Variants in ZBTB24 observed in about 807,000 individuals in gnomAD.
The protein encoded by ZBTB24 is zinc finger and BTB domain containing 24, also known as zinc finger and BTB domain-containing protein 24.
In ZBTB24, 32 loss-of-function variants were observed where a neutral mutation model predicts 53.8. The observed-to-expected ratio is 0.60, with a 90% CI of 0.45 to 0.80. The LOEUF is 0.80. ZBTB24 is among the 30% of genes least tolerant of loss of function. The pLI is 0.00. For synonymous variants in ZBTB24, 297 were observed against 306.7 expected, an observed-to-expected ratio of 0.97 and a Z score of 0.33; for missense variants, 722 against 837.1, an observed-to-expected ratio of 0.86 and a Z score of 1.70.
At chr6:109,480,656 A>C (rs1776385071) in intron 2 of ZBTB24, among the ~76,000 whole-genome samples, 1 of 152,236 alleles carries the variant, frequency 6.6e-6, no homozygotes, top group Admixed American at 6.5e-5. Flanking sequence ...ATGTTCAAGA[A>C]TCAGAAAGCA....
At chr6:109,475,130 T>C (rs1776253297) in intron 5 of ZBTB24, among the ~76,000 whole-genome samples, 1 of 151,424 alleles carries the variant, frequency 6.6e-6, no homozygotes, top group African/African-American at 2.4e-5. Flanking sequence ...TCAGACTCAC[T>C]ATTCTGTGGT....
rs917790789 is a variant in ZBTB24, at chr6:109,483,101, G to C, written c.-32C>G. ...GTCCGGGTCGCTGCCAACTCACCCG[G>C]CGGCCTGGCGGGAGACCCACGCCGG... On this transcript the variant is annotated 5_prime_UTR_variant, in exon 1 of 7. Transcript: ENST00000230122. 1 of 152,210 alleles carries C rather than the reference G, an allele frequency of 6.6e-6. No homozygotes were observed. The highest frequency in any genetic ancestry group is 2.1e-4 in the South Asian group (1 of 4,834). The allele number at this position is 152,210 out of a possible 1,614,324, so 9.4% of individuals were successfully genotyped here. A position where few individuals can be genotyped will look rare whatever the true frequency, so the allele number is the denominator to read the frequency against.
intron 5 of ZBTB24, among the ~76,000 whole-genome samples, chr6:109,468,356 C>T (rs1411040031): frequency 6.6e-6 from 1 of 151,854 alleles, no homozygotes; most frequent in Non-Finnish European, 1.5e-5. Context: ...TGATGATTTC[C>T]CACCCCAGGA....
chr6:109,476,707 C>T (rs1242681811), intron 3 of ZBTB24, 56 bp downstream of exon 3: 1 of 1,589,902 alleles, frequency 6.3e-7, no homozygotes, highest in Non-Finnish European at 8.5e-7. Context: ...GTTGGTAATG[C>T]CCACCCTGGG....
intron 2 of ZBTB24, among the ~76,000 whole-genome samples, chr6:109,480,151 T>C (rs892208781): frequency 2.6e-5 from 4 of 152,058 alleles, no homozygotes; most frequent in African/African-American, 4.8e-5. Context: ...GATTCCAATT[T>C]GCAGGCTGAG....
chr6:109,467,852 G>C, intron 5 of ZBTB24, 118 bp from the exon 6 acceptor site: 2 of 1,152,342 alleles, frequency 1.7e-6, no homozygotes, highest in Non-Finnish European at 2.5e-6. Flanking sequence ...ACAGAACAAA[G>C]GCAATCCCCT....
In ZBTB24 at chr6:109,475,402, T is replaced by C. The variant is rs1337486490; in HGVS notation, c.1285A>G (p.Thr429Ala). 1.2e-6 allele frequency: 2 copies of C among 1,614,052 alleles called. No individual in the cohort carries two copies. Among genetic ancestry groups the C allele is most frequent in the South Asian group, 1.1e-5 (1 of 91,080 alleles). ...GACAGACGAGATGGAGTTTTACCTG[T>C]GTGTGTTCGCAGATGTTTCTTTAGC... ...SQLKKHLRTH[T>A]GEKPFTCEIC... The change falls in exon 5 of 7, where the codon ACA (threonine) becomes GCA (alanine). Residue 429 changes from threonine (T) to alanine (A), a missense_variant. Coordinates refer to ENST00000230122, the MANE Select transcript of ZBTB24 (RefSeq NM_014797.3).
intron 3 of ZBTB24, 37 bp downstream of exon 3, chr6:109,476,726 A>G (rs752830120): frequency 7.5e-6 from 12 of 1,605,770 alleles, no homozygotes; most frequent in Non-Finnish European, 1.0e-5. Context: ...GGGAATGGGA[A>G]TCTGGTGAAG....
intron 2 of ZBTB24, among the ~76,000 whole-genome samples, chr6:109,480,412 T>G (rs1776378228): frequency 6.6e-6 from 1 of 152,162 alleles, no homozygotes; most frequent in Non-Finnish European, 1.5e-5. Flanking sequence ...AATTTAAAAT[T>G]CAGTTTCTCA....
In ZBTB24 at chr6:109,468,043, T is replaced by C. The variant is rs528315970; in HGVS notation, c.1289-309A>G. On this transcript the variant is annotated intron_variant, in intron 5 of 6. Transcript: ENST00000230122. ...TACTCCTGTTTTCTCCCCTTAGATA[T>C]TACAGCACCTATGCTCTCCTGCCTT... 8.5e-5 allele frequency among the ~76,000 whole-genome samples: 13 copies of C among 152,206 alleles called. No homozygotes were observed. In the South Asian group the frequency reaches 2.5e-3, roughly 29 times the overall value.
At chr6:109,482,648 G>C (rs1411223208) in intron 1 of ZBTB24, among the ~76,000 whole-genome samples, 1 of 151,944 alleles carries the variant, frequency 6.6e-6, no homozygotes, top group African/African-American at 2.4e-5. Context: ...TGACTCTCCA[G>C]TATTCATGGA....
At chr6:109,477,342 G>T (rs573054760) in intron 2 of ZBTB24, among the ~76,000 whole-genome samples, 1 of 152,044 alleles carries the variant, frequency 6.6e-6, no homozygotes, top group Non-Finnish European at 1.5e-5. Flanking sequence ...TTAGAGATGG[G>T]ATCTCACTAT....
In ZBTB24 at chr6:109,481,331, T is replaced by G. The variant is rs772347248; in HGVS notation, c.696A>C (p.Pro232=). The change falls in exon 2 of 7, where the codon CCA becomes CCC. Residue 232 remains proline, a synonymous_variant. Transcript: ENST00000230122. ...TCEPSREEEM[P]VEKDENYDPK... ...GATCATAGTTCTCATCTTTTTCAAC[T>G]GGCATTTCCTCCTCTCTACTTGGCT... 2 of 1,614,110 alleles carry G rather than the reference T, an allele frequency of 1.2e-6. No individual in the cohort carries two copies. Among genetic ancestry groups the G allele is most frequent in the African/African-American group, 1.3e-5 (1 of 74,938 alleles).
In ZBTB24 at chr6:109,475,388, TG is replaced by T. The variant is rs1227172193; in HGVS notation, c.1288+10del. ...CCGTGTACTGGGGGGACAGACGAGA[TG>T]GAGTTTTACCTGTGTGTGTTCGCAG... is the stretch of plus-strand genomic sequence containing the variant. On this transcript the variant is annotated intron_variant, in intron 5 of 6. Coordinates refer to ENST00000230122, the MANE Select transcript of ZBTB24 (RefSeq NM_014797.3). 7 of 1,614,088 alleles carry T rather than the reference TG, an allele frequency of 4.3e-6. No homozygotes were observed.
chr6:109,481,673 G>C lies in ZBTB24; in HGVS notation c.354C>G (p.Val118=), dbSNP rs760564322. 2 of 1,614,112 alleles carry C rather than the reference G, an allele frequency of 1.2e-6. No individual in the cohort carries two copies. Among genetic ancestry groups the C allele is most frequent in the East Asian group, 4.5e-5 (2 of 44,904 alleles). Residue 118 remains valine (V), a synonymous_variant, in exon 2 of 7, where the codon GTC becomes GTG. Coordinates refer to ENST00000230122, the MANE Select transcript of ZBTB24 (RefSeq NM_014797.3). ...QILATAQFLK[V]YDLVKAYTDF... is the part of the protein sequence containing the mutation. Reference sequence around the variant, plus strand: ...CTGTGTAAGCCTTTACCAGGTCATAGACTTTTAAGAACTGAGCAGTAGCCA... The same window carrying C: ...CTGTGTAAGCCTTTACCAGGTCATACACTTTTAAGAACTGAGCAGTAGCCA...
chr6:109,466,229 T>G lies in ZBTB24; in HGVS notation c.1716A>C (p.Gly572=), dbSNP rs1776036900. ...AACTCTCTGCAGTCACAATGCTGAT[T>G]CCCTGGCTAGGACCGGGCATGAAAT... The part of the protein sequence containing the change: ...NINFMPGPSQ[G]ISIVTAESSQ... Residue 572 remains glycine (G), a synonymous_variant, in exon 7 of 7, where the codon GGA becomes GGC. Transcript: ENST00000230122. 6.2e-7 allele frequency: 1 copy of G among 1,614,242 alleles called. No homozygotes were observed. The highest frequency in any genetic ancestry group is 8.5e-7 in the Non-Finnish European group (1 of 1,180,044).
intron 4 of ZBTB24, 60 bp from the exon 5 acceptor site, chr6:109,475,542 T>C: frequency 1.9e-6 from 3 of 1,584,672 alleles, no homozygotes; most frequent in South Asian, 2.2e-5. Flanking sequence ...TTTTCTTCAG[T>C]GATTTGTGTT....
rs374001267 is a variant in ZBTB24, at chr6:109,481,695, G to A, written c.332C>T (p.Ala111Val). ...ASEKSTEQIL[A>V]TAQFLKVYDL... ...ATAGACTTTTAAGAACTGAGCAGTA[G>A]CCAGGATTTGTTCTGTACTTTTCTC... Residue 111 changes from alanine (A) to valine (V), a missense_variant, in exon 2 of 7, where the codon GCT becomes GTT. Ala to Val is a moderately conservative substitution (Grantham distance 64). Transcript: ENST00000230122. The A allele has an allele frequency of 3.7e-6, 6 of 1,614,216 alleles. No individual in the cohort carries two copies. Among genetic ancestry groups the A allele is most frequent in the South Asian group, 3.3e-5 (3 of 91,084 alleles).
At chr6:109,476,309 G>A in intron 3 of ZBTB24, 51 bp from the exon 4 acceptor site, 1 of 1,592,416 alleles carries the variant, frequency 6.3e-7, no homozygotes, top group Non-Finnish European at 8.6e-7. Context: ...TAAAGAACTG[G>A]AATGCTCACT....
Sources: allele counts gnomAD v4.1 joint callset (sites outside exome capture counted in the v4.1 genomes callset), GRCh38; gene constraint gnomAD v4.1.1; transcripts MANE v1.5; gene names NCBI Gene and HGNC (gene_info 2026-07-23, HGNC 2026-07-21).